Variants in SIPA1L1 observed in about 807,000 individuals in gnomAD.
SIPA1L1 encodes the protein signal induced proliferation associated 1 like 1.
A neutral mutation model predicts 162.7 loss-of-function variants in SIPA1L1; 26 were observed. The ratio of observed to expected loss-of-function variants is 0.16; its 90% CI spans 0.12 to 0.22. SIPA1L1 has a LOEUF of 0.22. Among genes scored for constraint, SIPA1L1 ranks in the 10% least tolerant of loss-of-function variants. The pLI is 1.00. For synonymous variants in SIPA1L1, 829 were observed against 837.4 expected (o/e 0.99, Z 0.17); for missense variants, 1,874 against 2,241.0 (o/e 0.84, Z 3.31).
chr14:71,378,325 ATTTTC>A (rs1049331106), intron 2 of SIPA1L1, among the ~76,000 whole-genome samples: 1 of 149,964 alleles, frequency 6.7e-6, no homozygotes, highest in Non-Finnish European at 1.5e-5. Context: ...GATCTTTCTT[ATTTTC>A]TTTTATTAAG....
At chr14:71,540,149 G>C (rs1035041687) in intron 4 of SIPA1L1, among the ~76,000 whole-genome samples, 2 of 152,174 alleles carry the variant, frequency 1.3e-5, no homozygotes, top group South Asian at 2.1e-4. Flanking sequence ...GCAGCCGATA[G>C]TTTACATTGA....
intron 2 of SIPA1L1, among the ~76,000 whole-genome samples, chr14:71,442,772 AT>A (rs1364192412): frequency 3.3e-5 from 5 of 152,140 alleles, no homozygotes; most frequent in African/African-American, 7.2e-5. Context: ...TATAAAAAAA[AT>A]AATAAAATAA....
At chr14:71,451,696 G>A (rs1354050774) in intron 2 of SIPA1L1, among the ~76,000 whole-genome samples, 3 of 150,850 alleles carry the variant, frequency 2.0e-5, no homozygotes, top group African/African-American at 7.3e-5. Context: ...GTTAATGACT[G>A]TGTACTACAT....
chr14:71,727,795 T>TA (rs1365888178), intron 19 of SIPA1L1, among the ~76,000 whole-genome samples: 2 of 152,108 alleles, frequency 1.3e-5, no homozygotes, highest in African/African-American at 2.4e-5. Flanking sequence ...CTGCACACCT[T>TA]TAAGACTGGA....
intron 2 of SIPA1L1, among the ~76,000 whole-genome samples, chr14:71,457,392 C>T (rs566540123): frequency 5.3e-4 from 81 of 151,928 alleles, no homozygotes; most frequent in Non-Finnish European, 9.4e-4. Flanking sequence ...CTCCGCCTCC[C>T]GGTTCAAACG....
chr14:71,616,238 A>T (rs2038818210), intron 5 of SIPA1L1, among the ~76,000 whole-genome samples: 1 of 152,216 alleles, frequency 6.6e-6, no homozygotes. Flanking sequence ...TCTAGAAGAC[A>T]TGAAGTGATC....
intron 4 of SIPA1L1, among the ~76,000 whole-genome samples, chr14:71,561,773 G>A (rs2056815189): frequency 6.6e-6 from 1 of 152,158 alleles, no homozygotes; most frequent in African/African-American, 2.4e-5. Flanking sequence ...TTTTAGTAGA[G>A]ACGGAGTTTC....
chr14:71,546,806 A>G (rs1373636261), intron 4 of SIPA1L1, among the ~76,000 whole-genome samples: 1 of 152,134 alleles, frequency 6.6e-6, no homozygotes, highest in Non-Finnish European at 1.5e-5. Context: ...AAAGTAATGG[A>G]TGCTTCCCTT....
rs139212115 is a variant in SIPA1L1 at position 71,671,624 on chromosome 14, G to A, written c.2761G>A (p.Gly921Arg). 44 of 1,613,948 alleles carry A rather than the reference G, an allele frequency of 2.7e-5. No individual in the cohort carries two copies. The highest frequency in any genetic ancestry group is 3.5e-5 in the Non-Finnish European group (41 of 1,179,984). ...CAGCCTCAAAATCTTCTATGAACGA[G>A]GAGAATGTGTTTCAGTGGGTAGTTT... ...DTSLKIFYERGECVSVGSFIN... is the reference protein window; with the variant it reads ...DTSLKIFYERRECVSVGSFIN... Residue 921 changes from glycine (G) to arginine (R), a missense_variant, in exon 11 of 24, where the codon GGA becomes AGA. Physicochemically the swap from Gly to Arg is moderately radical, Grantham distance 125. This residue lies in a region of SIPA1L1 where 243 missense variants were observed against 315.0 expected (regional missense o/e 0.77). Transcript: ENST00000381232.
In SIPA1L1 at chr14:71,739,005, CT is replaced by C. The variant is rs778041226; in HGVS notation, c.5209-12del. ...AACACCTCTTAGCTTTTCTACTTCA[CT>C]CTGCCTCCCAGGAAAAAGAAGACAA... On this transcript the variant is annotated splice_polypyrimidine_tract_variant and intron_variant, in intron 23 of 23. Transcript: ENST00000381232. The C allele has an allele frequency of 6.2e-5, 100 of 1,611,622 alleles. No homozygotes were observed. The highest frequency in any genetic ancestry group is 6.6e-5 in the Non-Finnish European group (78 of 1,178,904).
At chr14:71,476,141 C>G (rs928283216) in intron 2 of SIPA1L1, among the ~76,000 whole-genome samples, 12 of 152,222 alleles carry the variant, frequency 7.9e-5, no homozygotes, top group African/African-American at 2.9e-4. Flanking sequence ...TATACACACT[C>G]TTCAAGTTTT....
intron 2 of SIPA1L1, among the ~76,000 whole-genome samples, chr14:71,465,196 T>C (rs1410859664): frequency 6.6e-6 from 1 of 152,238 alleles, no homozygotes; most frequent in Non-Finnish European, 1.5e-5. Context: ...CTGACTGTAA[T>C]GGTAGACACC....
chr14:71,344,567 G>T (rs1033273670), intron 2 of SIPA1L1, among the ~76,000 whole-genome samples: 3 of 152,080 alleles, frequency 2.0e-5, no homozygotes, highest in Non-Finnish European at 4.4e-5. Flanking sequence ...CTGTCTGTCT[G>T]TCTATCGAGA....
chr14:71,414,813 A>G (rs1356286169), intron 2 of SIPA1L1, among the ~76,000 whole-genome samples: 1 of 152,242 alleles, frequency 6.6e-6, no homozygotes, highest in East Asian at 1.9e-4. Context: ...ACTGACGTAT[A>G]CTGGTATATG....
chr14:71,672,662 G>A (rs35478231), intron 12 of SIPA1L1, 40 bp downstream of exon 12: 28,687 of 1,598,406 alleles, frequency 0.018, 313 homozygotes, highest in South Asian at 0.023. Context: ...AGACTCGAGT[G>A]CAGGGTTTGT....
intron 7 of SIPA1L1, among the ~76,000 whole-genome samples, chr14:71,645,653 A>G (rs932290664): frequency 7.9e-5 from 12 of 152,232 alleles, no homozygotes; most frequent in African/African-American, 2.9e-4. Flanking sequence ...GGGTGAGTGT[A>G]TAGCGGAGAA....
rs747750831 is a variant in SIPA1L1 at position 71,730,214 on chromosome 14, G to A, written c.4774G>A (p.Val1592Ile). ...SLLDQALPND[V>I]LFSSTYPSLP... ...TCTGGACCAAGCCCTGCCCAACGAC[G>A]TCCTCTTCAGTAGCACGTACCCTTC... The change falls in exon 20 of 24, where the codon GTC becomes ATC. Residue 1592 changes from valine (V) to isoleucine (I), a missense_variant. This residue lies in a region of SIPA1L1 where 936 missense variants were observed against 1,051.9 expected (regional missense o/e 0.89). Transcript: ENST00000381232. The A allele has an allele frequency of 2.7e-5, 43 of 1,613,976 alleles. No homozygotes were observed. Among genetic ancestry groups the A allele is most frequent in the Middle Eastern group, 3.3e-4 (2 of 6,084 alleles).
At chr14:71,484,756 CTTAT>C (rs1234136588) in intron 2 of SIPA1L1, among the ~76,000 whole-genome samples, 1 of 152,092 alleles carries the variant, frequency 6.6e-6, no homozygotes, top group African/African-American at 2.4e-5. Flanking sequence ...TGACAGTAGG[CTTAT>C]TGTTAGTTTG....
At chr14:71,714,926 C>G (rs2083152688) in intron 17 of SIPA1L1, among the ~76,000 whole-genome samples, 1 of 152,174 alleles carries the variant, frequency 6.6e-6, no homozygotes. Flanking sequence ...AAGTCCTCTC[C>G]CTTTTCAATA....
Sources: allele counts gnomAD v4.1 joint callset (sites outside exome capture counted in the v4.1 genomes callset), GRCh38; gene constraint gnomAD v4.1.1; regional missense constraint gnomAD v4.1.1; transcripts MANE v1.5; gene names NCBI Gene and HGNC (gene_info 2026-07-23, HGNC 2026-07-21).